UMAD1: variants seen among roughly 807,000 people sequenced by gnomAD.
UMAD1 encodes UBAP1-MVB12-associated (UMA) domain containing 1.
UMAD1 carries 8 observed loss-of-function variants against 6.1 expected under a neutral mutation model. That is an observed-to-expected ratio of 1.30 (90% CI 0.76 to 2.35). The LOEUF (loss-of-function observed/expected upper bound fraction) is 2.35, where lower values mean the gene tolerates loss of function less well. Ranked by LOEUF, UMAD1 falls within the 30% of genes most tolerant of loss-of-function variation. The probability of loss-of-function intolerance (pLI) is 0.00; values close to 1 mark genes in which losing one functional copy is unlikely to be tolerated. For synonymous variants in UMAD1, 56 were observed against 31.4 expected (o/e 1.78, Z -2.61); for missense variants, 130 against 78.4 (o/e 1.66, Z -2.49).
intron 1 of UMAD1, among the ~76,000 whole-genome samples, chr7:7,670,632 C>T (rs1481068510): frequency 6.6e-6 from 1 of 152,200 alleles, no homozygotes; most frequent in Non-Finnish European, 1.5e-5. Flanking sequence ...GCTCAAAGTT[C>T]AGTGCCTCTG....
intron 1 of UMAD1, among the ~76,000 whole-genome samples, chr7:7,654,197 C>T (rs1214282936): frequency 6.6e-6 from 1 of 152,308 alleles, no homozygotes; most frequent in Admixed American, 6.5e-5. Context: ...CCAAAACCTT[C>T]CCTGACTATT....
At chr7:7,641,765 CTG>C (rs1304752692) in intron 1 of UMAD1, 13 of 152,310 alleles carry the variant, frequency 8.5e-5, no homozygotes, top group African/African-American at 2.6e-4. Context: ...GAAACTGAGT[CTG>C]TGAATTGGCC....
intron 3 of UMAD1, among the ~76,000 whole-genome samples, chr7:7,873,447 A>C (rs1784364462): frequency 6.6e-6 from 1 of 152,206 alleles, no homozygotes; most frequent in Admixed American, 6.5e-5. Context: ...GGCTGACCCG[A>C]GGATAATTAG....
At chr7:7,778,269 T>TGAGAGA (rs1356098717) in intron 2 of UMAD1, among the ~76,000 whole-genome samples, 12 of 111,684 alleles carry the variant, frequency 1.1e-4, no homozygotes, top group South Asian at 5.9e-4. Flanking sequence ...TGTGTGTGTG[T>TGAGAGA]GTGTGTGAGA....
chr7:7,777,729 G>A (rs938620633), intron 2 of UMAD1, among the ~76,000 whole-genome samples: 4 of 151,706 alleles, frequency 2.6e-5, no homozygotes, highest in African/African-American at 9.7e-5. Context: ...TTGATTTTCT[G>A]ATCTACTTCC....
At chr7:7,772,993 A>G (rs969654782) in intron 2 of UMAD1, among the ~76,000 whole-genome samples, 1 of 152,168 alleles carries the variant, frequency 6.6e-6, no homozygotes. Flanking sequence ...CTGGTCCACA[A>G]GATTTTTGCT....
At chr7:7,864,200 G>A (rs1784180969) in intron 3 of UMAD1, among the ~76,000 whole-genome samples, 1 of 152,132 alleles carries the variant, frequency 6.6e-6, no homozygotes, top group Non-Finnish European at 1.5e-5. Flanking sequence ...TTTTACTGTA[G>A]GTTGATTGAT....
At chr7:7,744,736 C>T (rs1781538527) in intron 2 of UMAD1, among the ~76,000 whole-genome samples, 1 of 151,848 alleles carries the variant, frequency 6.6e-6, no homozygotes. Context: ...AATGTCTATT[C>T]AGATATTTTG....
At chr7:7,782,071 CA>C (rs1365811387) in intron 2 of UMAD1, among the ~76,000 whole-genome samples, 1 of 151,938 alleles carries the variant, frequency 6.6e-6, no homozygotes, top group African/African-American at 2.4e-5. Flanking sequence ...TTACGAAAAC[CA>C]CATTATTTAC....
At chr7:7,708,938 TGA>T (rs1004800208) in intron 2 of UMAD1, among the ~76,000 whole-genome samples, 43 of 150,614 alleles carry the variant, frequency 2.9e-4, no homozygotes, top group African/African-American at 9.2e-4. Flanking sequence ...TGTGTGTGTG[TGA>T]GAGAGAGAGA....
chr7:7,707,689 T>G (rs576892329), intron 2 of UMAD1, among the ~76,000 whole-genome samples: 3 of 152,340 alleles, frequency 2.0e-5, no homozygotes, highest in Admixed American at 2.0e-4. Flanking sequence ...CTGGCTTAAT[T>G]TTGCCTTAAA....
chr7:7,780,440 T>C (rs1782321344), intron 2 of UMAD1, among the ~76,000 whole-genome samples: 1 of 152,360 alleles, frequency 6.6e-6, no homozygotes, highest in Non-Finnish European at 1.5e-5. Flanking sequence ...TTTTTCCTAC[T>C]TTAATATTAG....
At chr7:7,649,694 G>GGC (rs1785180341) in intron 1 of UMAD1, among the ~76,000 whole-genome samples, 1 of 151,160 alleles carries the variant, frequency 6.6e-6, no homozygotes, top group Admixed American at 6.6e-5. Context: ...TGGTGGGGGG[G>GGC]CCCACCCTAC....
intron 2 of UMAD1, among the ~76,000 whole-genome samples, chr7:7,697,229 G>C (rs1054092747): frequency 6.6e-6 from 1 of 152,094 alleles, no homozygotes; most frequent in African/African-American, 2.4e-5. Flanking sequence ...AGTCCTGATT[G>C]GCTTTCTGAA....
chr7:7,701,450 A>T (rs1780460604), intron 2 of UMAD1, among the ~76,000 whole-genome samples: 1 of 152,160 alleles, frequency 6.6e-6, no homozygotes, highest in Non-Finnish European at 1.5e-5. Context: ...GCTCAACTTC[A>T]TTTGCCATCC....
At chr7:7,693,030 A>G (rs1780212434) in intron 2 of UMAD1, among the ~76,000 whole-genome samples, 1 of 152,186 alleles carries the variant, frequency 6.6e-6, no homozygotes, top group South Asian at 2.1e-4. Flanking sequence ...AGGTAATTTA[A>G]TCTTTTTTCT....
intron 3 of UMAD1, chr7:7,868,597 A>G (rs1435406603): frequency 2.0e-5 from 3 of 151,098 alleles, no homozygotes; most frequent in Admixed American, 6.6e-5. Flanking sequence ...AAAAAAAATC[A>G]TGAGCCAGAA....
intron 2 of UMAD1, among the ~76,000 whole-genome samples, chr7:7,681,543 T>A (rs999114491): frequency 6.6e-6 from 1 of 152,162 alleles, no homozygotes; most frequent in Non-Finnish European, 1.5e-5. Flanking sequence ...TAGAAAAACA[T>A]CCTTTCCCTT....
intron 1 of UMAD1, among the ~76,000 whole-genome samples, chr7:7,643,153 C>A (rs933547826): frequency 5.9e-5 from 9 of 152,106 alleles, no homozygotes; most frequent in Non-Finnish European, 8.8e-5. Context: ...AGGGAGAGGC[C>A]ATTTCCTGAT....
Sources: gnomAD v4.1 joint callset for allele counts (sites outside exome capture counted in the v4.1 genomes callset) on GRCh38, gnomAD v4.1.1 for gene constraint, MANE v1.5 for transcripts, NCBI Gene and HGNC (gene_info 2026-07-23, HGNC 2026-07-21) for gene names.